COL9A1: variants seen among roughly 807,000 people sequenced by gnomAD.
COL9A1 encodes the protein collagen alpha-1(IX) chain.
Under a neutral mutation model 142.6 loss-of-function variants are expected in COL9A1, and 104 were observed. The observed-to-expected ratio is 0.73, with a 90% CI of 0.62 to 0.86. The LOEUF (loss-of-function observed/expected upper bound fraction) is 0.86, where lower values mean the gene tolerates loss of function less well. Ranked by LOEUF, COL9A1 falls within the 40% of genes least tolerant of loss-of-function variation. COL9A1 has a pLI of 0.00. For synonymous variants in COL9A1, 466 were observed against 396.0 expected (o/e 1.18, Z -2.10); for missense variants, 1,210 against 1,176.6 (o/e 1.03, Z -0.42).
chr6:70,255,769 A>G (rs1470115677), intron 21 of COL9A1, among the ~76,000 whole-genome samples: 2 of 152,138 alleles, frequency 1.3e-5, no homozygotes, highest in Non-Finnish European at 2.9e-5. Context: ...TTTCCCTCAT[A>G]TTATTTAATC....
intron 4 of COL9A1, among the ~76,000 whole-genome samples, chr6:70,295,057 T>C (rs1773800374): frequency 6.6e-6 from 1 of 152,190 alleles, no homozygotes; most frequent in Admixed American, 6.5e-5. Flanking sequence ...TTATTTGTTA[T>C]TTCCATAATT....
intron 12 of COL9A1, among the ~76,000 whole-genome samples, chr6:70,272,844 G>A (rs752461126): frequency 7.2e-5 from 11 of 152,032 alleles, no homozygotes; most frequent in Non-Finnish European, 1.0e-4. Context: ...TAATATGCTC[G>A]TTGAAATTAA....
chr6:70,261,514 T>C (rs536360301), intron 19 of COL9A1, among the ~76,000 whole-genome samples: 152 of 152,308 alleles, frequency 1.0e-3, no homozygotes, highest in Non-Finnish European at 1.4e-3. Context: ...ACTGTCCCCA[T>C]TGGCTTAAGA....
Position 70,217,065 on chromosome 6 carries a change from G to A in COL9A1, c.2598C>T (p.Ala866=). The A allele has an allele frequency of 6.2e-7, 1 of 1,614,090 alleles. No individual in the cohort carries two copies. The highest frequency in any genetic ancestry group is 1.1e-5 in the South Asian group (1 of 91,090). Residue 866 remains alanine (A), a synonymous_variant, in exon 38 of 38, where the codon GCC becomes GCT. Coordinates refer to ENST00000357250, the MANE Select transcript of COL9A1 (RefSeq NM_001851.6). ...CGTCTCGGCCATTTCTGCCATAGCT[G>A]GCAGGGCCTGGGTCACCTGAAACAC... ...AIGLPGDPGP[A]SYGRNGRDGE... is the part of the protein sequence containing the mutation.
intron 28 of COL9A1, among the ~76,000 whole-genome samples, chr6:70,250,470 T>C (rs1225986988): frequency 6.6e-6 from 1 of 152,060 alleles, no homozygotes. Context: ...AAGAAAAGAA[T>C]AAAATAAGCA....
intron 36 of COL9A1, 144 bp downstream of exon 36, chr6:70,232,439 A>G (rs1769610199): frequency 1.0e-6 from 1 of 969,488 alleles, no homozygotes; most frequent in East Asian, 2.4e-5. Context: ...TTGAATCTTC[A>G]CCGTCACTAT....
chr6:70,255,114 G>GA (rs1562305878), intron 23 of COL9A1, 36 bp downstream of exon 23: 1 of 1,613,764 alleles, frequency 6.2e-7, no homozygotes, highest in Admixed American at 1.7e-5. Flanking sequence ...AATGATCACT[G>GA]AAAAATGTGC....
At chr6:70,279,912 G>GGTAACTTGAAGA (rs1252237852) in intron 10 of COL9A1, 1 of 545,524 alleles carries the variant, frequency 1.8e-6, no homozygotes, top group Non-Finnish European at 3.4e-6. Context: ...CACATAAAGT[G>GGTAACTTGAAGA]GTAACTTGAA....
chr6:70,260,908 T>C (rs113982051), intron 19 of COL9A1, 198 bp from the exon 20 acceptor site: 4 of 518,928 alleles, frequency 7.7e-6, no homozygotes, highest in Admixed American at 3.3e-5. Flanking sequence ...AACCTTTTTA[T>C]AAAATTCTGA....
intron 17 of COL9A1, among the ~76,000 whole-genome samples, chr6:70,267,200 C>G (rs1358405955): frequency 6.6e-6 from 1 of 152,152 alleles, no homozygotes; most frequent in Non-Finnish European, 1.5e-5. Flanking sequence ...GAAAACCCTT[C>G]GGCCTCCTCC....
At chr6:70,275,631 T>C (rs1364677041) in intron 10 of COL9A1, among the ~76,000 whole-genome samples, 2 of 152,080 alleles carry the variant, frequency 1.3e-5, no homozygotes, top group African/African-American at 2.4e-5. Flanking sequence ...TATACAAGAA[T>C]TTCCATATTT....
intron 36 of COL9A1, among the ~76,000 whole-genome samples, chr6:70,227,304 A>C (rs1769286359): frequency 6.6e-6 from 1 of 151,870 alleles, no homozygotes; most frequent in Non-Finnish European, 1.5e-5. Context: ...CCAACAACAC[A>C]ACAGCAAAAA....
intron 37 of COL9A1, among the ~76,000 whole-genome samples, chr6:70,219,187 A>T (rs994626163): frequency 6.6e-6 from 1 of 152,182 alleles, no homozygotes; most frequent in Non-Finnish European, 1.5e-5. Context: ...TCCGATTTTC[A>T]TGCACCTTAT....
rs768500829 is a variant in COL9A1, at chr6:70,274,650, G to A, written c.1029+69C>T. The A allele has an allele frequency of 8.8e-5, 113 of 1,282,120 alleles. 1 individual carries two copies. Among genetic ancestry groups the A allele is most frequent in the Non-Finnish European group, 1.1e-4 (95 of 884,374 alleles). The allele number at this position is 1,282,120 out of a possible 1,614,324, so 79.4% of individuals were successfully genotyped here. ...TTCATAACTTAATGTTAGTTGGCTT[G>A]CAAACACTGCAATAAAATTATACTT... On this transcript the variant is annotated intron_variant, in intron 11 of 37. Coordinates refer to ENST00000357250, the MANE Select transcript of COL9A1 (RefSeq NM_001851.6).
At chr6:70,244,831 T>C (rs949239427) in intron 28 of COL9A1, among the ~76,000 whole-genome samples, 3 of 152,206 alleles carry the variant, frequency 2.0e-5, no homozygotes, top group Non-Finnish European at 4.4e-5. Context: ...TAAGTTCTTA[T>C]TACAGTTTAT....
chr6:70,290,238 C>A (rs1009978842), intron 5 of COL9A1, among the ~76,000 whole-genome samples: 1 of 152,130 alleles, frequency 6.6e-6, no homozygotes, highest in Non-Finnish European at 1.5e-5. Flanking sequence ...CAAAATAATT[C>A]TCCTAGGCTA....
In COL9A1 at chr6:70,255,042, G is replaced by T. The variant is rs13219431; in HGVS notation, c.1612-26C>A. The T allele has an allele frequency of 0.16, 264,050 of 1,613,340 alleles. 24,224 individuals are homozygous for T. The highest frequency in any genetic ancestry group is 0.19 in the Non-Finnish European group (223,980 of 1,179,370). On this transcript the variant is annotated intron_variant, in intron 23 of 37. Transcript: ENST00000357250. ...CTAAACACACACAAAGAAACATACT[G>T]TCTCTTACACACAGTCACATTCTTT...
chr6:70,293,808 T>C (rs1347436602), intron 5 of COL9A1, among the ~76,000 whole-genome samples: 1 of 152,116 alleles, frequency 6.6e-6, no homozygotes, highest in Non-Finnish European at 1.5e-5. Context: ...CCAATCCAAA[T>C]CCTTTCATTT....
rs570098863 is a variant in COL9A1 at position 70,302,451 on chromosome 6, G to A, written c.15-377C>T. Among the ~76,000 whole-genome samples the A allele has an allele frequency of 1.3e-4, 20 of 151,798 alleles. No individual in the cohort carries two copies. In the South Asian group the frequency reaches 3.3e-3, roughly 25 times the overall value. The stretch of plus-strand genomic sequence containing the variant: ...TCTTGAACTCCTGACCTCGTGATTC[G>A]CCCGCCTCGGCCTCCCAAAGTGCTG... On this transcript the variant is annotated intron_variant, in intron 1 of 37. Transcript: ENST00000357250.
Sources: allele counts gnomAD v4.1 joint callset (sites outside exome capture counted in the v4.1 genomes callset), GRCh38; gene constraint gnomAD v4.1.1; transcripts MANE v1.5; gene names NCBI Gene and HGNC (gene_info 2026-07-23, HGNC 2026-07-21).